NGDN: variants seen among roughly 807,000 people sequenced by gnomAD.
NGDN encodes EIF4E-binding protein.
Under a neutral mutation model 45.2 loss-of-function variants are expected in NGDN, and 41 were observed. The observed-to-expected ratio is 0.91, with a 90% CI of 0.71 to 1.18. The LOEUF (loss-of-function observed/expected upper bound fraction) is 1.18. Ranked by LOEUF, NGDN falls within the 50% of genes most tolerant of loss-of-function variation. The probability of loss-of-function intolerance (pLI) is 0.00; values close to 1 mark genes in which losing one functional copy is unlikely to be tolerated. For missense variants in NGDN, 402 were observed against 399.9 expected (o/e 1.01, Z -0.05); for synonymous variants, 137 against 130.9 (o/e 1.05, Z -0.32).
intron 2 of NGDN, among the ~76,000 whole-genome samples, chr14:23,470,521 G>GT (rs1893750523): frequency 6.6e-6 from 1 of 152,172 alleles, no homozygotes; most frequent in Admixed American, 6.5e-5. Flanking sequence ...AGAAAAGGAC[G>GT]GTTTCTACCG....
chr14:23,473,654 G>A (rs541290891), intron 3 of NGDN, among the ~76,000 whole-genome samples: 1 of 151,958 alleles, frequency 6.6e-6, no homozygotes, highest in Non-Finnish European at 1.5e-5. Flanking sequence ...GCGAAACCCC[G>A]TCTCTTAAAT....
chr14:23,478,130 C>T lies in NGDN; in HGVS notation c.*104C>T, dbSNP rs1893947996. The stretch of plus-strand genomic sequence containing the variant: ...GAATTCATTAATTGTTTGCTTTGGA[C>T]ATGTGGAAAGAGCCTTACTAATAAA... On this transcript the variant is annotated 3_prime_UTR_variant, in exon 11 of 11. Transcript: ENST00000408901. The T allele has an allele frequency of 4.2e-6, 5 of 1,186,286 alleles. No individual in the cohort carries two copies. Among genetic ancestry groups the T allele is most frequent in the Non-Finnish European group, 3.7e-6 (3 of 802,956 alleles). The allele number at this position is 1,186,286 out of a possible 1,614,324, so 73.5% of individuals were successfully genotyped here. A position where few individuals can be genotyped will look rare whatever the true frequency, so the allele number is the denominator to read the frequency against.
chr14:23,475,852 A>G, intron 6 of NGDN, 74 bp downstream of exon 6: 2 of 1,491,400 alleles, frequency 1.3e-6, no homozygotes, highest in South Asian at 2.4e-5. Flanking sequence ...GTGATCCTGG[A>G]TACCCTGGGA....
At chr14:23,469,856 T>A in intron 1 of NGDN, 129 bp downstream of exon 1, 1 of 1,346,690 alleles carries the variant, frequency 7.4e-7, no homozygotes. Flanking sequence ...GCGGCCTCCC[T>A]AGAGTTACCG....
chr14:23,477,785 G>C, intron 10 of NGDN: 2 of 1,456,064 alleles, frequency 1.4e-6, no homozygotes, highest in Non-Finnish European at 1.8e-6. Context: ...CACAGCTCCT[G>C]TTCAGGCTTC....
rs777906740 is a variant in NGDN at position 23,475,557 on chromosome 14, G to GTTTTTT, written c.283-1_283insTTTTTT (p.Thr94_Val95insPhePhe). ...AATCCTGATTAACTACCATGTTGTA[G>GTTTTTT]GTTTTGGAAAAGCTTCGTCCCTTGG... is the stretch of plus-strand genomic sequence containing the variant. On this transcript the variant is annotated inframe_insertion and splice_region_variant. Coordinates refer to ENST00000408901, the MANE Select transcript of NGDN (RefSeq NM_001042635.2). 3 of 1,613,452 alleles carry GTTTTTT rather than the reference G, an allele frequency of 1.9e-6. No homozygotes were observed. In the African/African-American group the frequency reaches 4.0e-5, roughly 22 times the overall value.
chr14:23,474,214 C>A (rs1893847766), intron 3 of NGDN, among the ~76,000 whole-genome samples: 1 of 152,088 alleles, frequency 6.6e-6, no homozygotes, highest in Admixed American at 6.6e-5. Flanking sequence ...TTAAAGACAT[C>A]CAGGGATGAG....
chr14:23,470,378 G>A lies in NGDN; in HGVS notation c.72+277G>A, dbSNP rs1442047400. On this transcript the variant is annotated intron_variant, in intron 2 of 10. Coordinates refer to ENST00000408901, the MANE Select transcript of NGDN (RefSeq NM_001042635.2). ...AATGGTAACATGACTTGCCCTTTGG[G>A]TGCCCAGGTAATACACACTTATATA... 6 of 434,422 alleles carry A rather than the reference G, an allele frequency of 1.4e-5. No individual in the cohort carries two copies. In the East Asian group the frequency reaches 2.3e-4, roughly 16 times the overall value. The allele number at this position is 434,422 out of a possible 1,614,324, so 26.9% of individuals were successfully genotyped here. A position where few individuals can be genotyped will look rare whatever the true frequency, so the allele number is the denominator to read the frequency against.
chr14:23,470,029 C>G lies in NGDN; in HGVS notation c.13-13C>G, dbSNP rs766708551. 8 of 1,613,826 alleles carry G rather than the reference C, an allele frequency of 5.0e-6. No individual in the cohort carries two copies. The East Asian group carries it at 6.7e-5, about 13-fold the overall frequency. On this transcript the variant is annotated splice_polypyrimidine_tract_variant and intron_variant, in intron 1 of 10. Transcript: ENST00000408901. ...AGAATGACTTTTCTTTACGCCTCCT[C>G]TCCCTTCTGTAGGGGGTGCTGGAGT...
Position 23,477,563 on chromosome 14 carries a change from C to G in NGDN, c.928+3C>G, listed in dbSNP as rs749173861. On this transcript the variant is annotated splice_donor_region_variant and intron_variant, in intron 10 of 10. Coordinates refer to ENST00000408901, the MANE Select transcript of NGDN (RefSeq NM_001042635.2). ...TCAGAAAGGTCGGAAGAAAAAAGGTCAGTGAACTGCTGGGACTTAGGTGAT... is the reference window on the plus strand; with the variant it reads ...TCAGAAAGGTCGGAAGAAAAAAGGTGAGTGAACTGCTGGGACTTAGGTGAT... 1 of 1,613,972 alleles carries G rather than the reference C, an allele frequency of 6.2e-7. No individual in the cohort carries two copies.
chr14:23,471,965 A>G (rs1343782831), intron 3 of NGDN, among the ~76,000 whole-genome samples: 3 of 151,976 alleles, frequency 2.0e-5, no homozygotes, highest in African/African-American at 7.3e-5. Flanking sequence ...CCAGAGTGGG[A>G]GGATTGCTTG....
chr14:23,476,135 T>G lies in NGDN; in HGVS notation c.527T>G (p.Leu176Trp). 1 of 1,614,200 alleles carries G rather than the reference T, an allele frequency of 6.2e-7. No homozygotes were observed. The highest frequency in any genetic ancestry group is 8.5e-7 in the Non-Finnish European group (1 of 1,180,008). The change falls in exon 7 of 11, where the codon TTG (leucine) becomes TGG (tryptophan). Residue 176 changes from leucine to tryptophan, a missense_variant. By Grantham distance (61) the Leu-to-Trp change is moderately conservative (BLOSUM62 -2). Coordinates refer to ENST00000408901, the MANE Select transcript of NGDN (RefSeq NM_001042635.2). ...GVSKKYVPPR[L>W]VPVHYDETEA... Reference sequence around the variant, plus strand: ...TCTAAGAAATATGTTCCTCCACGCTTGGTTCCAGTACATTATGGTATAAAC... The same window carrying G: ...TCTAAGAAATATGTTCCTCCACGCTGGGTTCCAGTACATTATGGTATAAAC...
At position 23,470,915 on chromosome 14, in the gene NGDN, G is replaced by A. The variant is rs878922185; in HGVS notation, c.82G>A (p.Val28Ile). Residue 28 changes from valine to isoleucine, a missense_variant, in exon 3 of 11, where the codon GTA becomes ATA. Transcript: ENST00000408901. ...LKNLQEQVMAVTAQVKSLTQK... is the reference protein window; with the variant it reads ...LKNLQEQVMAITAQVKSLTQK... ...TTTGGGCTAATTTCAGGTGATGGCT[G>A]TAACTGCACAAGTGAAATCACTGAC... 1.9e-6 allele frequency: 3 copies of A among 1,570,584 alleles called. No individual in the cohort carries two copies. Among genetic ancestry groups the A allele is most frequent in the Non-Finnish European group, 2.6e-6 (3 of 1,163,148 alleles).
Position 23,475,752 on chromosome 14 carries a change from C to T in NGDN, c.394C>T (p.Pro132Ser). ...LSENDPLRFK[P>S]HPSNMMSKLS... ...TGAGAATGACCCACTTCGTTTTAAG[C>T]CTCATCCCAGCAATATGATGAGCAA... Residue 132 changes from proline to serine, a missense_variant, in exon 6 of 11, where the codon CCT (proline) becomes TCT (serine). Coordinates refer to ENST00000408901, the MANE Select transcript of NGDN (RefSeq NM_001042635.2). 1 of 1,613,340 alleles carries T rather than the reference C, an allele frequency of 6.2e-7. No homozygotes were observed. The highest frequency in any genetic ancestry group is 1.8e-4 in the Middle Eastern group (1 of 5,446).
Position 23,476,302 on chromosome 14 carries a change from G to C in NGDN, c.608G>C (p.Ser203Thr), listed in dbSNP as rs760953556. The change falls in exon 8 of 11, where the codon AGC becomes ACC. Residue 203 changes from serine (S) to threonine (T), a missense_variant. Transcript: ENST00000408901. ...CGAGCCAAGAGACGGGCATTGAGCAGCTCTGTCATTCGTGAACTTAAGGAG... is the reference window on the plus strand; with the variant it reads ...CGAGCCAAGAGACGGGCATTGAGCACCTCTGTCATTCGTGAACTTAAGGAG... ...LERAKRRALS[S>T]SVIRELKEQY... 8 of 1,614,172 alleles carry C rather than the reference G, an allele frequency of 5.0e-6. No homozygotes were observed. The highest frequency in any genetic ancestry group is 6.8e-6 in the Non-Finnish European group (8 of 1,180,034).
Position 23,475,754 on chromosome 14 carries a change from T to G in NGDN, c.396T>G (p.Pro132=), listed in dbSNP as rs1324674430. The G allele has an allele frequency of 6.2e-7, 1 of 1,613,354 alleles. No homozygotes were observed. Among genetic ancestry groups the G allele is most frequent in the Non-Finnish European group, 8.5e-7 (1 of 1,179,996 alleles). The part of the protein sequence containing the change: ...LSENDPLRFK[P]HPSNMMSKLS... ...AGAATGACCCACTTCGTTTTAAGCC[T>G]CATCCCAGCAATATGATGAGCAAGG... The change falls in exon 6 of 11, where the codon CCT becomes CCG. Residue 132 remains proline, a synonymous_variant. Coordinates refer to ENST00000408901, the MANE Select transcript of NGDN (RefSeq NM_001042635.2).
At chr14:23,475,846 T>A in intron 6 of NGDN, 68 bp downstream of exon 6, 6 of 1,509,640 alleles carry the variant, frequency 4.0e-6, no homozygotes, top group Non-Finnish European at 3.6e-6. Flanking sequence ...CTCTTGGTGA[T>A]CCTGGATACC....
Position 23,469,710 on chromosome 14 carries a change from G to C in NGDN, c.-6G>C. On this transcript the variant is annotated 5_prime_UTR_variant, in exon 1 of 11. Coordinates refer to ENST00000408901, the MANE Select transcript of NGDN (RefSeq NM_001042635.2). ...TACGACACCGGAAGGGGTGGGCTTTGCGAAGATGGCGGCGCTGGTGAGTTT... is the reference window on the plus strand; with the variant it reads ...TACGACACCGGAAGGGGTGGGCTTTCCGAAGATGGCGGCGCTGGTGAGTTT... 6.2e-7 allele frequency: 1 copy of C among 1,614,194 alleles called. No individual in the cohort carries two copies. The highest frequency in any genetic ancestry group is 8.5e-7 in the Non-Finnish European group (1 of 1,180,018).
At position 23,469,714 on chromosome 14, in the gene NGDN, A is replaced by T; in HGVS notation, c.-2A>T. The stretch of plus-strand genomic sequence containing the variant: ...ACACCGGAAGGGGTGGGCTTTGCGA[A>T]GATGGCGGCGCTGGTGAGTTTGGTG... On this transcript the variant is annotated 5_prime_UTR_variant, in exon 1 of 11. In the 5' UTR this introduces an upstream ATG that the reference lacks. Coordinates refer to ENST00000408901, the MANE Select transcript of NGDN (RefSeq NM_001042635.2). 6.2e-7 allele frequency: 1 copy of T among 1,614,178 alleles called. No individual in the cohort carries two copies. Among genetic ancestry groups the T allele is most frequent in the African/African-American group, 1.3e-5 (1 of 75,048 alleles).
Sources: allele counts gnomAD v4.1 joint callset (sites outside exome capture counted in the v4.1 genomes callset), GRCh38; gene constraint gnomAD v4.1.1; transcripts MANE v1.5; gene names NCBI Gene and HGNC (gene_info 2026-07-23, HGNC 2026-07-21).